EPS8: variants seen among roughly 807,000 people sequenced by gnomAD.
The protein encoded by EPS8 is EGFR pathway substrate 8, signaling adaptor.
A neutral mutation model predicts 103.8 loss-of-function variants in EPS8; 42 were observed. The observed-to-expected ratio is 0.40, with a 90% CI of 0.32 to 0.52. EPS8 has a LOEUF of 0.52. Among genes scored for constraint, EPS8 ranks in the 20% least tolerant of loss-of-function variants. The pLI is 0.40. For synonymous variants in EPS8, 344 were observed against 344.6 expected, an observed-to-expected ratio of 1.00 and a Z score of 0.02; for missense variants, 969 against 1,005.1, an observed-to-expected ratio of 0.96 and a Z score of 0.49.
At chr12:15,635,392 A>G (rs1054807320) in intron 17 of EPS8, among the ~76,000 whole-genome samples, 3 of 152,216 alleles carry the variant, frequency 2.0e-5, no homozygotes, top group African/African-American at 4.8e-5. Flanking sequence ...TCTAAAAACC[A>G]TGCCTATAAT....
At chr12:15,622,581 A>G (rs1483084233) in intron 20 of EPS8, among the ~76,000 whole-genome samples, 4 of 152,192 alleles carry the variant, frequency 2.6e-5, no homozygotes, top group Non-Finnish European at 4.4e-5. Flanking sequence ...AAAATAGGAT[A>G]TTGGAAGCTT....
chr12:15,782,916 C>T (rs1171372287), intron 1 of EPS8, among the ~76,000 whole-genome samples: 1 of 152,116 alleles, frequency 6.6e-6, no homozygotes, highest in Non-Finnish European at 1.5e-5. Flanking sequence ...TTCATCTCTC[C>T]GGTAAATTGT....
chr12:15,728,532 A>G lies in EPS8; in HGVS notation c.-21-45560T>C, dbSNP rs540776698. ...ATAAGGAACACTCTCCCGGGTGCTG[A>G]GTCATTAATAGAATTTGAAGAGTCA... On this transcript the variant is annotated intron_variant, in intron 1 of 20. Coordinates refer to ENST00000281172, the MANE Select transcript of EPS8 (RefSeq NM_004447.6). This position sits in a 1 kb window ranked among gnomAD's most constrained non-coding sequence, Gnocchi z 4.5. Among the ~76,000 whole-genome samples, 1 of 152,368 alleles carries G rather than the reference A, an allele frequency of 6.6e-6. No homozygotes were observed. Among genetic ancestry groups the G allele is most frequent in the Admixed American group, 6.5e-5 (1 of 15,306 alleles).
chr12:15,652,228 T>C (rs1235375627), intron 13 of EPS8, among the ~76,000 whole-genome samples: 1 of 152,168 alleles, frequency 6.6e-6, no homozygotes, highest in African/African-American at 2.4e-5. Flanking sequence ...ATGTGGAAGC[T>C]AAAAAACTGG....
chr12:15,722,276 T>C (rs1202740872), intron 1 of EPS8, among the ~76,000 whole-genome samples: 1 of 152,072 alleles, frequency 6.6e-6, no homozygotes, highest in Non-Finnish European at 1.5e-5. Flanking sequence ...AAAGCTGTCC[T>C]GGGCCTCAGG....
intron 1 of EPS8, among the ~76,000 whole-genome samples, chr12:15,742,463 G>A (rs1946835019): frequency 6.6e-6 from 1 of 152,160 alleles, no homozygotes; most frequent in South Asian, 2.1e-4. Flanking sequence ...AACAAAAAAA[G>A]AGAATTTTAG....
chr12:15,644,567 G>A (rs927680741), intron 15 of EPS8, among the ~76,000 whole-genome samples: 1 of 151,956 alleles, frequency 6.6e-6, no homozygotes, highest in African/African-American at 2.4e-5. Context: ...GCATGGTGGC[G>A]GGCACCTGTA....
Position 15,658,588 on chromosome 12 carries a change from A to G in EPS8, c.938-3T>C. On this transcript the variant is annotated splice_region_variant and splice_polypyrimidine_tract_variant and intron_variant, in intron 10 of 20. Transcript: ENST00000281172. ...TGCCCGCAGCGTTAAAACACCCTCT[A>G]ATGAAATAAGCGAGAGGAGAGGATC... 1 of 1,602,480 alleles carries G rather than the reference A, an allele frequency of 6.2e-7. No homozygotes were observed. The highest frequency in any genetic ancestry group is 8.5e-7 in the Non-Finnish European group (1 of 1,169,830).
chr12:15,711,105 A>G (rs1256080071), intron 1 of EPS8, among the ~76,000 whole-genome samples: 2 of 151,642 alleles, frequency 1.3e-5, no homozygotes, highest in African/African-American at 4.9e-5. Context: ...AGGTCTCACT[A>G]TGATGCCCAG....
chr12:15,662,918 G>T (rs1050016899), intron 8 of EPS8, among the ~76,000 whole-genome samples: 1 of 146,444 alleles, frequency 6.8e-6, no homozygotes, highest in African/African-American at 2.5e-5. Flanking sequence ...TCAATAGAGA[G>T]AACTGCAAAA....
chr12:15,652,339 G>A (rs1403053672), intron 13 of EPS8, among the ~76,000 whole-genome samples: 1 of 152,088 alleles, frequency 6.6e-6, no homozygotes, highest in African/African-American at 2.4e-5. Context: ...GGATACAAAC[G>A]TACATTGACT....
rs565717988 is a variant in EPS8, at chr12:15,764,876, A to T, written c.-22+24285T>A. Among the ~76,000 whole-genome samples, 2 of 152,372 alleles carry T rather than the reference A, an allele frequency of 1.3e-5. 1 individual carries two copies. The highest frequency in any genetic ancestry group is 4.8e-5 in the African/African-American group (2 of 41,586). Reference sequence around the variant, plus strand: ...CAATAAAAAAACAAGTAGTATCTACAACCATTAAAACTAAACATTATCAAT... The same window carrying T: ...CAATAAAAAAACAAGTAGTATCTACTACCATTAAAACTAAACATTATCAAT... On this transcript the variant is annotated intron_variant, in intron 1 of 20. Coordinates refer to ENST00000281172, the MANE Select transcript of EPS8 (RefSeq NM_004447.6). The surrounding 1 kb of genome is among the most constrained non-coding windows in gnomAD (Gnocchi z 4.1).
chr12:15,658,215 C>T, intron 11 of EPS8, 62 bp from the exon 12 acceptor site: 2 of 1,110,218 alleles, frequency 1.8e-6, no homozygotes, highest in Non-Finnish European at 2.7e-6. Flanking sequence ...TCAGAAAGGT[C>T]CAACATAGAC....
rs746593359 is a variant in EPS8, at chr12:15,769,819, C to T, written c.-22+19342G>A. Reference sequence around the variant, plus strand: ...ATTTCCTGAACTTTCTGACCAAAGTCATGTTTTATTATTTCTCAGATGTAT... The same window carrying T: ...ATTTCCTGAACTTTCTGACCAAAGTTATGTTTTATTATTTCTCAGATGTAT... On this transcript the variant is annotated intron_variant, in intron 1 of 20. Transcript: ENST00000281172. This position sits in a 1 kb window ranked among gnomAD's most constrained non-coding sequence, Gnocchi z 4.6. Among the ~76,000 whole-genome samples, 1 of 152,102 alleles carries T rather than the reference C, an allele frequency of 6.6e-6. No individual in the cohort carries two copies. Among genetic ancestry groups the T allele is most frequent in the African/African-American group, 2.4e-5 (1 of 41,414 alleles).
At chr12:15,741,128 G>A (rs1946817116) in intron 1 of EPS8, among the ~76,000 whole-genome samples, 1 of 152,222 alleles carries the variant, frequency 6.6e-6, no homozygotes, top group African/African-American at 2.4e-5. Flanking sequence ...CAGTACAGCT[G>A]CATAGAGTCG....
Position 15,684,815 on chromosome 12 carries a change from TAAG to T in EPS8, c.-21-1846_-21-1844del, listed in dbSNP as rs1455976075. Among the ~76,000 whole-genome samples, 2 of 152,218 alleles carry T rather than the reference TAAG, an allele frequency of 1.3e-5. No individual in the cohort carries two copies. The highest frequency in any genetic ancestry group is 4.8e-5 in the African/African-American group (2 of 41,466). ...ACTGCTTAAAAGCACATTTATAAAT[TAAG>T]AAGCAAAGAAAGATCGGCCTCTGCC... On this transcript the variant is annotated intron_variant, in intron 1 of 20. Transcript: ENST00000281172. This position sits in a 1 kb window ranked among gnomAD's most constrained non-coding sequence, Gnocchi z 4.9.
rs1187851357 is a variant in EPS8, at chr12:15,777,040, T to C, written c.-22+12121A>G. 6.6e-6 allele frequency among the ~76,000 whole-genome samples: 1 copy of C among 152,184 alleles called. No homozygotes were observed. Among genetic ancestry groups the C allele is most frequent in the Non-Finnish European group, 1.5e-5 (1 of 68,020 alleles). ...TGATAAAATCATTCTTCAACTATTC[T>C]ACTAACTGCCTGGCAGAGAGAAAAG... is the stretch of plus-strand genomic sequence containing the variant. On this transcript the variant is annotated intron_variant, in intron 1 of 20. Coordinates refer to ENST00000281172, the MANE Select transcript of EPS8 (RefSeq NM_004447.6). This position sits in a 1 kb window ranked among gnomAD's most constrained non-coding sequence, Gnocchi z 4.7.
intron 3 of EPS8, among the ~76,000 whole-genome samples, chr12:15,680,124 T>C (rs762409985): frequency 2.0e-5 from 3 of 152,152 alleles, no homozygotes; most frequent in Non-Finnish European, 2.9e-5. Flanking sequence ...AATAAGGCTA[T>C]AAAAAGTATA....
chr12:15,776,434 A>C lies in EPS8; in HGVS notation c.-22+12727T>G, dbSNP rs190403142. On this transcript the variant is annotated intron_variant, in intron 1 of 20. Transcript: ENST00000281172. This position sits in a 1 kb window ranked among gnomAD's most constrained non-coding sequence, Gnocchi z 4.2. ...ACCTACTCTAAAAACCTTCCCCTCA[A>C]GTTCACATGCACACTCTCAGGAACT... Among the ~76,000 whole-genome samples the C allele has an allele frequency of 6.6e-6, 1 of 152,278 alleles. No individual in the cohort carries two copies. Among genetic ancestry groups the C allele is most frequent in the East Asian group, 1.9e-4 (1 of 5,176 alleles).
Sources: allele counts gnomAD v4.1 joint callset (sites outside exome capture counted in the v4.1 genomes callset), GRCh38; gene constraint gnomAD v4.1.1; non-coding constraint Gnocchi (gnomAD v3.1); transcripts MANE v1.5; gene names NCBI Gene and HGNC (gene_info 2026-07-23, HGNC 2026-07-21).